UBE3D: variants seen among roughly 807,000 people sequenced by gnomAD.
The protein encoded by UBE3D is ubiquitin protein ligase E3D.
In UBE3D, 48 loss-of-function variants were observed where a neutral mutation model predicts 49.6. The observed-to-expected ratio is 0.97, with a 90% CI of 0.77 to 1.23. The LOEUF (loss-of-function observed/expected upper bound fraction) is 1.23. Among genes scored for constraint, UBE3D ranks in the 50% most tolerant of loss-of-function variants. UBE3D has a pLI of 0.00. For missense variants in UBE3D, 452 were observed against 468.4 expected (o/e 0.96, Z 0.32); for synonymous variants, 189 against 174.2 (o/e 1.08, Z -0.67).
At chr6:83,063,649 A>C (rs1056773267) in intron 1 of UBE3D, among the ~76,000 whole-genome samples, 3 of 152,188 alleles carry the variant, frequency 2.0e-5, no homozygotes, top group Non-Finnish European at 4.4e-5. Flanking sequence ...CAACATTATT[A>C]GTCATCGGTA....
chr6:82,986,883 AT>A (rs1778555008), intron 8 of UBE3D, among the ~76,000 whole-genome samples: 1 of 149,840 alleles, frequency 6.7e-6, no homozygotes, highest in South Asian at 2.1e-4. Flanking sequence ...AATTAATTAT[AT>A]TATACATATG....
intron 4 of UBE3D, among the ~76,000 whole-genome samples, chr6:83,042,047 C>G (rs1223569855): frequency 6.6e-6 from 1 of 152,030 alleles, no homozygotes; most frequent in Non-Finnish European, 1.5e-5. Context: ...GTAGCTGGGA[C>G]TACAGGCCCC....
At chr6:83,043,966 C>CCTCTTTTTACTTGATGACATCTCCATTT (rs1782850282) in intron 4 of UBE3D, among the ~76,000 whole-genome samples, 5 of 152,182 alleles carry the variant, frequency 3.3e-5, no homozygotes, top group Non-Finnish European at 7.3e-5. Flanking sequence ...CTCCTCCATT[C>CCTCTTTTTACTTGATGACATCTCCATTT]CTCTTTTTAC....
intron 8 of UBE3D, among the ~76,000 whole-genome samples, chr6:82,967,328 C>T (rs1777016851): frequency 6.6e-6 from 1 of 152,150 alleles, no homozygotes; most frequent in Non-Finnish European, 1.5e-5. Flanking sequence ...TTGTGTGTGT[C>T]TATGTGTATT....
At chr6:83,006,414 A>G (rs1458762845) in intron 8 of UBE3D, among the ~76,000 whole-genome samples, 1 of 152,184 alleles carries the variant, frequency 6.6e-6, no homozygotes, top group African/African-American at 2.4e-5. Context: ...AGATTAAATG[A>G]GGTCATAAAG....
chr6:83,016,254 T>C (rs1780688754), intron 8 of UBE3D, among the ~76,000 whole-genome samples: 1 of 152,186 alleles, frequency 6.6e-6, no homozygotes, highest in Admixed American at 6.5e-5. Flanking sequence ...TCCAGTGAAC[T>C]TAGGAGCAAC....
At chr6:82,977,136 A>G (rs1379298951) in intron 8 of UBE3D, among the ~76,000 whole-genome samples, 25 of 150,402 alleles carry the variant, frequency 1.7e-4, no homozygotes, top group Admixed American at 1.3e-3. Context: ...AAAAAAAAAA[A>G]AAAAAGAAGG....
At chr6:82,886,380 G>C in the UBE3D span, among the ~76,000 whole-genome samples, 1 of 152,208 alleles carries the variant, frequency 6.6e-6, no homozygotes, top group East Asian at 1.9e-4. Flanking sequence ...CCTCCTATGG[G>C]AATCTAATGC....
chr6:82,952,107 C>A (rs1396213610), intron 9 of UBE3D, among the ~76,000 whole-genome samples: 2 of 152,122 alleles, frequency 1.3e-5, no homozygotes, highest in Non-Finnish European at 2.9e-5. Flanking sequence ...ACAAGTCATG[C>A]CACTTAAAAA....
intron 8 of UBE3D, among the ~76,000 whole-genome samples, chr6:82,977,979 C>T (rs1377867556): frequency 7.9e-5 from 12 of 152,146 alleles, no homozygotes; most frequent in Non-Finnish European, 7.3e-5. Context: ...CCTGTAGCAG[C>T]TCCAGCTCTT....
chr6:83,025,556 C>T (rs970915712), intron 5 of UBE3D, among the ~76,000 whole-genome samples: 1 of 152,032 alleles, frequency 6.6e-6, no homozygotes, highest in African/African-American at 2.4e-5. Context: ...AAATGACAGA[C>T]TTCCGGAAAG....
At chr6:83,031,564 T>C (rs1781871468) in intron 5 of UBE3D, among the ~76,000 whole-genome samples, 1 of 152,190 alleles carries the variant, frequency 6.6e-6, no homozygotes, top group African/African-American at 2.4e-5. Context: ...CTTTAAGATT[T>C]GACTGCTTTG....
At chr6:83,065,274 T>C (rs541193493) in intron 1 of UBE3D, among the ~76,000 whole-genome samples, 1 of 152,338 alleles carries the variant, frequency 6.6e-6, no homozygotes, top group East Asian at 1.9e-4. Context: ...AGACAAATCA[T>C]TTTTTGCATT....
At chr6:83,045,884 C>T (rs375203916) in intron 3 of UBE3D, among the ~76,000 whole-genome samples, 6 of 152,216 alleles carry the variant, frequency 3.9e-5, no homozygotes, top group South Asian at 4.1e-4. Flanking sequence ...TCCCTAGTCT[C>T]GTCTGGTCTA....
intron 9 of UBE3D, chr6:82,938,443 A>G (rs1216724547): frequency 6.6e-6 from 1 of 152,196 alleles, no homozygotes; most frequent in African/African-American, 2.4e-5. Context: ...TGTTCACACC[A>G]ATGGCAGAAA....
intron 8 of UBE3D, among the ~76,000 whole-genome samples, chr6:82,963,451 G>A (rs1776696638): frequency 6.6e-6 from 1 of 152,102 alleles, no homozygotes; most frequent in South Asian, 2.1e-4. Context: ...ATTAAGGAGT[G>A]TTAACTCACA....
chr6:82,985,635 T>A (rs1331569917), intron 8 of UBE3D, among the ~76,000 whole-genome samples: 1 of 152,220 alleles, frequency 6.6e-6, no homozygotes, highest in Non-Finnish European at 1.5e-5. Context: ...GTGCTGGGAT[T>A]ACAGGCATCA....
intron 5 of UBE3D, among the ~76,000 whole-genome samples, chr6:83,033,091 T>C (rs1375545284): frequency 2.6e-5 from 4 of 152,122 alleles, no homozygotes; most frequent in Admixed American, 2.0e-4. Flanking sequence ...GGTAAGGACC[T>C]TGGGAACCTG....
chr6:82,931,700 C>T (rs1774165744), intron 9 of UBE3D, among the ~76,000 whole-genome samples: 1 of 152,158 alleles, frequency 6.6e-6, no homozygotes, highest in Non-Finnish European at 1.5e-5. Context: ...GTGTATTTAC[C>T]CAAAGCCTGT....
Sources: gnomAD v4.1 joint callset for allele counts (sites outside exome capture counted in the v4.1 genomes callset) on GRCh38, gnomAD v4.1.1 for gene constraint, MANE v1.5 for transcripts, NCBI Gene and HGNC (gene_info 2026-07-23, HGNC 2026-07-21) for gene names.